ARL15: variants seen among roughly 807,000 people sequenced by gnomAD.
ARL15 encodes ADP-ribosylation factor-like protein 15.
In ARL15, 19 loss-of-function variants were observed where a neutral mutation model predicts 25.2. The observed-to-expected ratio is 0.75, with a 90% CI of 0.53 to 1.10. The LOEUF is 1.10. Among genes scored for constraint, ARL15 ranks in the 50% least tolerant of loss-of-function variants. ARL15 has a pLI of 0.00. For synonymous variants in ARL15, 94 were observed against 86.8 expected (o/e 1.08, Z -0.46); for missense variants, 220 against 246.0 (o/e 0.89, Z 0.71).
intron 1 of ARL15, among the ~76,000 whole-genome samples, chr5:54,291,380 AC>A (rs1443726576): frequency 3.9e-5 from 6 of 152,188 alleles, no homozygotes; most frequent in African/African-American, 1.2e-4. Flanking sequence ...ACACATATCC[AC>A]CTGTATACTT....
At chr5:53,930,592 C>A (rs702620) in intron 4 of ARL15, among the ~76,000 whole-genome samples, 1 of 151,926 alleles carries the variant, frequency 6.6e-6, no homozygotes, top group Non-Finnish European at 1.5e-5. Context: ...CATTTCAAAG[C>A]GAAGTCATTA....
intron 1 of ARL15, among the ~76,000 whole-genome samples, chr5:54,242,453 G>C (rs544016593): frequency 2.6e-4 from 39 of 152,252 alleles, no homozygotes; most frequent in Admixed American, 2.0e-3. Flanking sequence ...TGTAGGCCTG[G>C]CCAATCATAG....
intron 1 of ARL15, among the ~76,000 whole-genome samples, chr5:54,225,081 T>A (rs1308203759): frequency 6.6e-6 from 1 of 152,182 alleles, no homozygotes; most frequent in African/African-American, 2.4e-5. Flanking sequence ...CAATACCTCA[T>A]AGGGTTGCTG....
chr5:53,923,996 T>G (rs555978724), intron 4 of ARL15, among the ~76,000 whole-genome samples: 1 of 152,096 alleles, frequency 6.6e-6, no homozygotes, highest in Non-Finnish European at 1.5e-5. Flanking sequence ...TGAAGGAAAA[T>G]TTTCAATTAG....
chr5:54,140,493 C>G (rs1168450236), intron 3 of ARL15, among the ~76,000 whole-genome samples: 2 of 151,862 alleles, frequency 1.3e-5, no homozygotes, highest in Non-Finnish European at 2.9e-5. Context: ...TATGCTTACA[C>G]AGCCCACATT....
At position 53,936,291 on chromosome 5, in the gene ARL15, C is replaced by CT. The variant is rs890232528; in HGVS notation, c.463-49579dup. ...TTTTTTGTGCATTTATCCTCACCAA[C>CT]TTTATGATGTAGCTGTGATTTTGCC... is the stretch of plus-strand genomic sequence containing the variant. On this transcript the variant is annotated intron_variant, in intron 4 of 4. Coordinates refer to ENST00000504924, the MANE Select transcript of ARL15 (RefSeq NM_019087.3). 3.9e-5 allele frequency among the ~76,000 whole-genome samples: 6 copies of CT among 152,310 alleles called. No individual in the cohort carries two copies. In the South Asian group the frequency reaches 8.3e-4, roughly 21 times the overall value.
chr5:54,282,190 A>G (rs2112670021), intron 1 of ARL15: 1 of 936,622 alleles, frequency 1.1e-6, no homozygotes, highest in Non-Finnish European at 1.3e-6. Context: ...GATAATTGCC[A>G]TCACTCCACA....
chr5:53,885,155 T>C lies in ARL15; in HGVS notation c.*1406A>G, dbSNP rs1454669426. 1 of 152,620 alleles carries C rather than the reference T, an allele frequency of 6.6e-6. No individual in the cohort carries two copies. The highest frequency in any genetic ancestry group is 1.5e-5 in the Non-Finnish European group (1 of 68,030). The allele number at this position is 152,620 out of a possible 1,614,324, so 9.5% of individuals were successfully genotyped here. On this transcript the variant is annotated 3_prime_UTR_variant, in exon 5 of 5. Transcript: ENST00000504924. Reference sequence around the variant, plus strand: ...ATAGTGTGAGTCTGTGGTATTTGGGTATCAGTCCATTTTACTTAAAATTAC... The same window carrying C: ...ATAGTGTGAGTCTGTGGTATTTGGGCATCAGTCCATTTTACTTAAAATTAC...
chr5:54,199,192 C>A (rs1053912737), intron 1 of ARL15, among the ~76,000 whole-genome samples: 11 of 152,124 alleles, frequency 7.2e-5, no homozygotes, highest in Non-Finnish European at 1.3e-4. Context: ...ACCATAAAAA[C>A]CCTAGAAGAA....
At chr5:54,216,601 T>G (rs1367295901) in intron 1 of ARL15, among the ~76,000 whole-genome samples, 1 of 151,720 alleles carries the variant, frequency 6.6e-6, no homozygotes, top group Non-Finnish European at 1.5e-5. Context: ...ATAATAGTTG[T>G]CTCTATATTA....
intron 1 of ARL15, among the ~76,000 whole-genome samples, chr5:54,261,585 G>C (rs1242827132): frequency 6.6e-6 from 1 of 151,940 alleles, no homozygotes; most frequent in African/African-American, 2.4e-5. Context: ...CAGAAGTCTG[G>C]GTTTTATTAT....
At chr5:54,047,015 C>A (rs1421784161) in intron 4 of ARL15, among the ~76,000 whole-genome samples, 3 of 152,130 alleles carry the variant, frequency 2.0e-5, no homozygotes, top group Non-Finnish European at 4.4e-5. Context: ...CTCTCAGTAA[C>A]CCCGGGAACT....
At chr5:54,068,311 T>G (rs1751310575) in intron 4 of ARL15, among the ~76,000 whole-genome samples, 1 of 152,164 alleles carries the variant, frequency 6.6e-6, no homozygotes, top group Non-Finnish European at 1.5e-5. Context: ...GTGGGTTCTA[T>G]TGCACCAGCA....
chr5:54,086,076 G>A (rs534370146), intron 4 of ARL15, among the ~76,000 whole-genome samples: 1 of 152,080 alleles, frequency 6.6e-6, no homozygotes, highest in South Asian at 2.1e-4. Flanking sequence ...CACCACGCCT[G>A]GCTAATTTTG....
intron 4 of ARL15, among the ~76,000 whole-genome samples, chr5:53,961,805 T>G: frequency 6.6e-6 from 1 of 152,204 alleles, no homozygotes; most frequent in East Asian, 1.9e-4. Flanking sequence ...TTGGCATGTA[T>G]TAATTTAATG....
intron 4 of ARL15, among the ~76,000 whole-genome samples, chr5:54,109,083 T>C (rs1049412194): frequency 6.6e-6 from 1 of 151,988 alleles, no homozygotes; most frequent in Non-Finnish European, 1.5e-5. Flanking sequence ...CATGTCATAA[T>C]AACAAACTGA....
chr5:53,956,684 T>C (rs951001941), intron 4 of ARL15, among the ~76,000 whole-genome samples: 4 of 151,438 alleles, frequency 2.6e-5, no homozygotes, highest in African/African-American at 4.8e-5. Context: ...ACAGAAATTA[T>C]AAAAAGGAAC....
At chr5:53,985,034 C>G (rs182013277) in intron 4 of ARL15, among the ~76,000 whole-genome samples, 106 of 152,302 alleles carry the variant, frequency 7.0e-4, no homozygotes, top group African/African-American at 2.1e-3. Flanking sequence ...ATGTAAAAAG[C>G]TCACTATCTA....
At chr5:53,931,345 T>C (rs564253443) in intron 4 of ARL15, among the ~76,000 whole-genome samples, 1 of 152,314 alleles carries the variant, frequency 6.6e-6, no homozygotes, top group South Asian at 2.1e-4. Flanking sequence ...TAGGACACAA[T>C]CAGTTTGTTA....
Sources: allele counts gnomAD v4.1 joint callset (sites outside exome capture counted in the v4.1 genomes callset), GRCh38; gene constraint gnomAD v4.1.1; transcripts MANE v1.5; gene names NCBI Gene and HGNC (gene_info 2026-07-23, HGNC 2026-07-21).